The following MGAT4C variants were observed in gnomAD, a reference collection of about 807,000 sequenced individuals.
The protein encoded by MGAT4C is MGAT4 family member C, also known as alpha-1,3-mannosyl-glycoprotein 4-beta-N-acetylglucosaminyltransferase C.
In MGAT4C, 19 loss-of-function variants were observed where a neutral mutation model predicts 40.1. The ratio of observed to expected loss-of-function variants is 0.47; its 90% CI spans 0.33 to 0.70. The LOEUF is 0.70. Among genes scored for constraint, MGAT4C ranks in the 30% least tolerant of loss-of-function variants. MGAT4C has a pLI of 0.02. For missense variants in MGAT4C, 491 were observed against 563.2 expected (o/e 0.87, Z 1.30); for synonymous variants, 181 against 187.1 (o/e 0.97, Z 0.27).
At chr12:86,207,694 C>T (rs980555573) in intron 1 of MGAT4C, among the ~76,000 whole-genome samples, 5 of 152,056 alleles carry the variant, frequency 3.3e-5, no homozygotes, top group African/African-American at 1.2e-4. Context: ...TCTCCCAGTC[C>T]TGCAATAACT....
rs1565791212 is a variant in MGAT4C at position 85,965,979 on chromosome 12, A to G, written c.*13310T>C. ...AGAGGGCACTCCTTAAATAGCTGCC[A>G]AATAAATGACATTAAAAAATGTATA... On this transcript the variant is annotated 3_prime_UTR_variant, in exon 5 of 5. Transcript: ENST00000611864. The G allele has an allele frequency of 6.6e-6, 1 of 152,210 alleles. No homozygotes were observed. The highest frequency in any genetic ancestry group is 1.9e-4 in the East Asian group (1 of 5,194). The allele number at this position is 152,210 out of a possible 1,614,324, so 9.4% of individuals were successfully genotyped here.
intron 2 of MGAT4C, among the ~76,000 whole-genome samples, chr12:86,694,267 G>A (rs749714712): frequency 3.3e-5 from 5 of 149,406 alleles, no homozygotes; most frequent in Admixed American, 1.3e-4. Context: ...TTCTTCTATT[G>A]TACTTTCTGT....
At chr12:86,739,133 C>CAAAAAAAAAAAAAAAAAAAA (rs59869666) in intron 1 of MGAT4C, among the ~76,000 whole-genome samples, 7 of 39,786 alleles carry the variant, frequency 1.8e-4, no homozygotes, top group African/African-American at 3.2e-4. Context: ...TTTCCCTGTG[C>CAAAAAAAAAAAAAAAAAAAA]AAAAAAAAAA....
chr12:86,358,932 A>G (rs1198276806), intron 3 of MGAT4C, among the ~76,000 whole-genome samples: 4 of 152,206 alleles, frequency 2.6e-5, no homozygotes, highest in African/African-American at 9.6e-5. Context: ...ACAGAAAGTT[A>G]ACAAGGATAT....
chr12:86,083,319 T>C (rs771711610), intron 1 of MGAT4C, among the ~76,000 whole-genome samples: 1 of 152,094 alleles, frequency 6.6e-6, no homozygotes, highest in South Asian at 2.1e-4. Flanking sequence ...CCTTCTCTCA[T>C]TGATTCTCAG....
chr12:86,077,183 C>G (rs750934268), intron 1 of MGAT4C, among the ~76,000 whole-genome samples: 3 of 152,166 alleles, frequency 2.0e-5, no homozygotes, highest in Non-Finnish European at 4.4e-5. Flanking sequence ...AGTTGACACT[C>G]AGTATTAACC....
intron 2 of MGAT4C, among the ~76,000 whole-genome samples, chr12:86,027,877 C>T (rs1457035662): frequency 6.6e-6 from 1 of 151,782 alleles, no homozygotes; most frequent in African/African-American, 2.4e-5. Flanking sequence ...TCCATCATTT[C>T]ATTTTTTCTA....
At chr12:86,745,188 A>AAT (rs1951135044) in intron 1 of MGAT4C, 2 of 151,536 alleles carry the variant, frequency 1.3e-5, no homozygotes, top group Non-Finnish European at 3.0e-5. Flanking sequence ...TTTTTTAAAA[A>AAT]ATGGGCTCTT....
rs796719799 is a variant in MGAT4C, at chr12:86,218,414, T to C, written c.-57+37825A>G. ...CAAATTAACTTTGAGATTTTCCAAA[T>C]GGGTCCTTGAGACACCTCAAAAGGC... On this transcript the variant is annotated intron_variant, in intron 1 of 4. Coordinates refer to ENST00000611864, the MANE Select transcript of MGAT4C (RefSeq NM_001351288.2). 7.2e-5 allele frequency among the ~76,000 whole-genome samples: 11 copies of C among 152,306 alleles called. 1 individual carries two copies. Among genetic ancestry groups the C allele is most frequent in the African/African-American group, 2.4e-4 (10 of 41,566 alleles).
At chr12:86,107,603 T>G (rs1464212000) in intron 1 of MGAT4C, among the ~76,000 whole-genome samples, 1 of 152,186 alleles carries the variant, frequency 6.6e-6, no homozygotes, top group Non-Finnish European at 1.5e-5. Context: ...CCTCCGTTAA[T>G]TAGAGAACAA....
intron 2 of MGAT4C, among the ~76,000 whole-genome samples, chr12:86,041,677 T>C (rs1203102444): frequency 2.0e-5 from 3 of 152,230 alleles, no homozygotes; most frequent in South Asian, 4.1e-4. Context: ...TGCTGTGGTC[T>C]GATTCTGTGG....
intron 1 of MGAT4C, among the ~76,000 whole-genome samples, chr12:86,819,696 C>A (rs1318782912): frequency 5.3e-5 from 8 of 150,728 alleles, no homozygotes; most frequent in Non-Finnish European, 7.5e-5. Context: ...TATTTTAATA[C>A]AGAAAACTTT....
At chr12:86,386,659 T>C (rs1018134120) in intron 3 of MGAT4C, among the ~76,000 whole-genome samples, 2 of 152,156 alleles carry the variant, frequency 1.3e-5, no homozygotes, top group Admixed American at 1.3e-4. Context: ...GAAAGTAAAA[T>C]GATAAGAAAT....
chr12:86,718,908 T>A (rs896897419), intron 2 of MGAT4C, among the ~76,000 whole-genome samples: 1 of 151,122 alleles, frequency 6.6e-6, no homozygotes, highest in African/African-American at 2.4e-5. Flanking sequence ...GTCAAAAAGT[T>A]TGGGGACCAC....
chr12:86,741,022 C>T (rs1360872189), intron 1 of MGAT4C, among the ~76,000 whole-genome samples: 1 of 150,732 alleles, frequency 6.6e-6, no homozygotes, highest in African/African-American at 2.4e-5. Context: ...ATCTAGTAGT[C>T]CACATTGTCT....
chr12:86,462,367 G>T (rs908203292), intron 2 of MGAT4C, among the ~76,000 whole-genome samples: 1 of 152,148 alleles, frequency 6.6e-6, no homozygotes, highest in African/African-American at 2.4e-5. Context: ...TTAAAAAGAT[G>T]AATAAGACAC....
chr12:86,579,818 C>T (rs184515650), intron 2 of MGAT4C, among the ~76,000 whole-genome samples: 26 of 151,498 alleles, frequency 1.7e-4, no homozygotes, highest in Admixed American at 4.6e-4. Context: ...GCCAGGTATA[C>T]GATTATAGGT....
chr12:86,040,363 G>C (rs1891678045), intron 2 of MGAT4C, among the ~76,000 whole-genome samples: 1 of 152,214 alleles, frequency 6.6e-6, no homozygotes, highest in Admixed American at 6.5e-5. Context: ...CTCTGTCCCA[G>C]GGAGGTGGGG....
At chr12:86,162,409 C>G (rs986387476) in intron 1 of MGAT4C, among the ~76,000 whole-genome samples, 1 of 152,036 alleles carries the variant, frequency 6.6e-6, no homozygotes, top group Non-Finnish European at 1.5e-5. Context: ...ATCCAAATAC[C>G]ACATATCCTT....
Sources: allele counts gnomAD v4.1 joint callset (sites outside exome capture counted in the v4.1 genomes callset), GRCh38; gene constraint gnomAD v4.1.1; transcripts MANE v1.5; gene names NCBI Gene and HGNC (gene_info 2026-07-23, HGNC 2026-07-21).